Variants in C16orf96 observed in about 807,000 individuals in gnomAD.
The protein encoded by C16orf96 is chromosome 16 open reading frame 96.
C16orf96 carries 108 observed loss-of-function variants against 103.6 expected under a neutral mutation model. The observed-to-expected ratio is 1.04, with a 90% CI of 0.89 to 1.22. The LOEUF (loss-of-function observed/expected upper bound fraction) is 1.22, where lower values mean the gene tolerates loss of function less well. Ranked by LOEUF, C16orf96 falls within the 50% of genes most tolerant of loss-of-function variation. The pLI is 0.00. For synonymous variants in C16orf96, 566 were observed against 593.5 expected (o/e 0.95, Z 0.67); for missense variants, 1,586 against 1,464.2 (o/e 1.08, Z -1.36).
chr16:4,589,109 C>T (rs1896996319), intron 9 of C16orf96, among the ~76,000 whole-genome samples: 1 of 152,152 alleles, frequency 6.6e-6, no homozygotes, highest in East Asian at 1.9e-4. Flanking sequence ...CTCCTCCACC[C>T]CACATCCCTG....
intron 1 of C16orf96, among the ~76,000 whole-genome samples, chr16:4,567,692 CTTTTTTTTTTTTTTT>C (rs60143866): frequency 2.2e-5 from 1 of 44,528 alleles, no homozygotes; most frequent in East Asian, 9.2e-4. Flanking sequence ...CTTCTGTTGC[CTTTTTTTTTTTTTTT>C]TTTTTTTTTT....
chr16:4,576,784 T>C, intron 5 of C16orf96, 149 bp downstream of exon 5: 3 of 802,932 alleles, frequency 3.7e-6, no homozygotes, highest in Non-Finnish European at 5.8e-6. Flanking sequence ...AGCATTTGGC[T>C]CTTAACGAGT....
chr16:4,539,342 G>A, the C16orf96 span, among the ~76,000 whole-genome samples: 1 of 152,286 alleles, frequency 6.6e-6, no homozygotes, highest in South Asian at 2.1e-4. Flanking sequence ...TGTTGCCTGA[G>A]AACCAGGCTT....
chr16:4,590,791 G>A (rs1001597303), intron 9 of C16orf96, among the ~76,000 whole-genome samples: 17 of 151,578 alleles, frequency 1.1e-4, no homozygotes, highest in Non-Finnish European at 1.8e-4. Context: ...GGCTGAGGTG[G>A]GCGGATCACC....
intron 14 of C16orf96, among the ~76,000 whole-genome samples, chr16:4,597,265 A>T (rs1897192726): frequency 6.6e-6 from 1 of 152,098 alleles, no homozygotes; most frequent in Non-Finnish European, 1.5e-5. Flanking sequence ...GCAGGATCAC[A>T]ACGGTGGCTA....
At chr16:4,587,528 T>C (rs1896955275) in intron 8 of C16orf96, among the ~76,000 whole-genome samples, 1 of 29,066 alleles carries the variant, frequency 3.4e-5, no homozygotes. Context: ...AAACTCTGTC[T>C]CAAAAAAAAA....
intron 9 of C16orf96, among the ~76,000 whole-genome samples, chr16:4,589,213 C>T (rs1052026766): frequency 9.2e-5 from 14 of 152,146 alleles, no homozygotes; most frequent in Non-Finnish European, 2.9e-5. Flanking sequence ...CCCCCTCCCA[C>T]ATTGAATGGG....
In C16orf96 at chr16:4,556,358, C is replaced by G; in HGVS notation, c.-132C>G. On this transcript the variant is annotated 5_prime_UTR_variant, in exon 1 of 16. Coordinates refer to ENST00000444310, the MANE Select transcript of C16orf96 (RefSeq NM_001145011.2). ...TCCAGCCAGAACAGAGGCCATTCCTCCCTGACTGCTGTGACTCACCACCAC... is the reference window on the plus strand; with the variant it reads ...TCCAGCCAGAACAGAGGCCATTCCTGCCTGACTGCTGTGACTCACCACCAC... 1.1e-6 allele frequency: 1 copy of G among 884,244 alleles called. No individual in the cohort carries two copies. Among genetic ancestry groups the G allele is most frequent in the Non-Finnish European group, 1.7e-6 (1 of 601,784 alleles). 54.8% of individuals were successfully genotyped at this position (884,244 alleles called of 1,614,324 possible).
intron 6 of C16orf96, 94 bp from the exon 7 acceptor site, chr16:4,579,921 C>A: frequency 9.3e-7 from 1 of 1,071,018 alleles, no homozygotes; most frequent in Non-Finnish European, 1.4e-6. Context: ...TGGTCTGGTA[C>A]ATTCTTCTTG....
chr16:4,546,728 C>G, the C16orf96 span, among the ~76,000 whole-genome samples: 2 of 151,484 alleles, frequency 1.3e-5, no homozygotes, highest in Non-Finnish European at 2.9e-5. Context: ...AGTTAGCCTC[C>G]TAAAGTGCTG....
the C16orf96 span, among the ~76,000 whole-genome samples, chr16:4,545,985 G>A: frequency 1.3e-5 from 2 of 151,760 alleles, no homozygotes. Context: ...GAGTAGCTGG[G>A]ACTACAGGTG....
At chr16:4,547,649 T>TTTCCTTCCTTCCTTCC in the C16orf96 span, among the ~76,000 whole-genome samples, 2 of 119,092 alleles carry the variant, frequency 1.7e-5, no homozygotes, top group African/African-American at 7.1e-5. Flanking sequence ...TCTTTCTTTC[T>TTTCCTTCCTTCCTTCC]TTCCTTCCTT....
chr16:4,565,589 A>G (rs764788510), intron 1 of C16orf96, among the ~76,000 whole-genome samples: 2 of 152,224 alleles, frequency 1.3e-5, no homozygotes, highest in Non-Finnish European at 2.9e-5. Context: ...CCTGGGTTCA[A>G]GTGATTCTTG....
At chr16:4,582,756 T>C (rs1244320430) in intron 7 of C16orf96, among the ~76,000 whole-genome samples, 2 of 152,166 alleles carry the variant, frequency 1.3e-5, no homozygotes, top group Non-Finnish European at 2.9e-5. Flanking sequence ...ATGTCCATCG[T>C]GCACCCAGCA....
intron 14 of C16orf96, among the ~76,000 whole-genome samples, chr16:4,595,940 G>C (rs1320221611): frequency 6.6e-6 from 1 of 151,938 alleles, no homozygotes; most frequent in Non-Finnish European, 1.5e-5. Flanking sequence ...ACCTGCCTCA[G>C]CCTCCCAAAG....
upstream of C16orf96, among the ~76,000 whole-genome samples, chr16:4,552,299 T>C (rs979670597): frequency 6.6e-6 from 1 of 151,900 alleles, no homozygotes. Flanking sequence ...CTGGGCAACG[T>C]GGTGAAACCC....
intron 7 of C16orf96, among the ~76,000 whole-genome samples, chr16:4,581,745 G>A (rs1224643335): frequency 6.6e-6 from 1 of 151,988 alleles, no homozygotes; most frequent in Admixed American, 6.6e-5. Context: ...ATTGCTTGAG[G>A]CCAGGAGTTC....
the C16orf96 span, among the ~76,000 whole-genome samples, chr16:4,543,724 A>G: frequency 6.6e-6 from 1 of 152,002 alleles, no homozygotes; most frequent in African/African-American, 2.4e-5. Flanking sequence ...GGCTCCCTGC[A>G]GCCTCTGCCT....
At chr16:4,570,703 T>G (rs142943692) in intron 1 of C16orf96, among the ~76,000 whole-genome samples, 5 of 152,236 alleles carry the variant, frequency 3.3e-5, no homozygotes, top group African/African-American at 9.6e-5. Context: ...CCTGGCCTCA[T>G]GTTCTGCCTG....
Sources: gnomAD v4.1 joint callset for allele counts (sites outside exome capture counted in the v4.1 genomes callset) on GRCh38, gnomAD v4.1.1 for gene constraint, MANE v1.5 for transcripts, NCBI Gene and HGNC (gene_info 2026-07-23, HGNC 2026-07-21) for gene names.